The following AJAP1 variants were observed in gnomAD, a reference collection of about 807,000 sequenced individuals.
AJAP1 encodes the protein adherens junctions associated protein 1.
AJAP1 carries 5 observed loss-of-function variants against 35.0 expected under a neutral mutation model. The ratio of observed to expected loss-of-function variants is 0.14; its 90% CI spans 0.07 to 0.30. AJAP1 has a LOEUF of 0.30. Among genes scored for constraint, AJAP1 ranks in the 10% least tolerant of loss-of-function variants. The pLI is 1.00. For missense variants in AJAP1, 586 were observed against 571.0 expected (o/e 1.03, Z -0.27); for synonymous variants, 284 against 249.3 (o/e 1.14, Z -1.31).
At chr1:4,678,697 T>A (rs1402103762) in intron 1 of AJAP1, among the ~76,000 whole-genome samples, 1 of 152,196 alleles carries the variant, frequency 6.6e-6, no homozygotes, top group Non-Finnish European at 1.5e-5. Flanking sequence ...TGGCTAGAAG[T>A]GAGTCATGGG....
chr1:4,758,121 C>T (rs1289187074), intron 2 of AJAP1, among the ~76,000 whole-genome samples: 2 of 152,166 alleles, frequency 1.3e-5, no homozygotes, highest in African/African-American at 2.4e-5. Flanking sequence ...ATGTAAGTTT[C>T]CTGAGGCCTC....
chr1:4,729,356 C>T (rs1309039936), intron 2 of AJAP1, among the ~76,000 whole-genome samples: 2 of 152,200 alleles, frequency 1.3e-5, no homozygotes, highest in Non-Finnish European at 2.9e-5. Context: ...GTGCGGGCTG[C>T]CCTGTGAGAC....
intron 1 of AJAP1, among the ~76,000 whole-genome samples, chr1:4,684,193 C>G (rs533239587): frequency 6.6e-6 from 1 of 152,148 alleles, no homozygotes; most frequent in Non-Finnish European, 1.5e-5. Flanking sequence ...ATGTGCAGGG[C>G]GGGAATGCAT....
At chr1:4,770,297 G>A (rs2100359429) in intron 3 of AJAP1, among the ~76,000 whole-genome samples, 1 of 152,286 alleles carries the variant, frequency 6.6e-6, no homozygotes, top group Middle Eastern at 3.4e-3. Context: ...GGTAGGGATG[G>A]GGCCCTTCTG....
rs1157791533 is a variant in AJAP1 at position 4,692,284 on chromosome 1, G to A, written c.30-19616G>A. Among the ~76,000 whole-genome samples the A allele has an allele frequency of 3.3e-5, 5 of 152,170 alleles. No homozygotes were observed. The highest frequency in any genetic ancestry group is 7.4e-5 in the Non-Finnish European group (5 of 68,022). On this transcript the variant is annotated intron_variant, in intron 1 of 5. Transcript: ENST00000378191. This position sits in a 1 kb window ranked among gnomAD's most constrained non-coding sequence, Gnocchi z 4.4. ...GGACAGGGTTGTCAGGGCTTCTCGG[G>A]CTCCTCACCCCGCGCCCTGGGCTGC...
At chr1:4,719,880 T>G (rs892194548) in intron 2 of AJAP1, among the ~76,000 whole-genome samples, 3 of 152,244 alleles carry the variant, frequency 2.0e-5, no homozygotes, top group African/African-American at 7.2e-5. Context: ...GACCCAGCAG[T>G]GAGCTCAGTG....
chr1:4,655,520 C>T lies in AJAP1; in HGVS notation c.29+66C>T. 1 of 1,533,624 alleles carries T rather than the reference C, an allele frequency of 6.5e-7. No homozygotes were observed. Among genetic ancestry groups the T allele is most frequent in the Non-Finnish European group, 8.8e-7 (1 of 1,132,528 alleles). ...GGTGCCAGGCTGGGCGGAAGCGGCG[C>T]TTTCCTCTATGTTGCAAATCAAGGG... On this transcript the variant is annotated intron_variant, in intron 1 of 5. Coordinates refer to ENST00000378191, the MANE Select transcript of AJAP1 (RefSeq NM_018836.4). The surrounding 1 kb of genome is among the most constrained non-coding windows in gnomAD (Gnocchi z 6.9).
At chr1:4,678,618 C>A (rs2071995) in intron 1 of AJAP1, among the ~76,000 whole-genome samples, 1 of 152,092 alleles carries the variant, frequency 6.6e-6, no homozygotes, top group Non-Finnish European at 1.5e-5. Flanking sequence ...AGTACCCTAG[C>A]GAGATGGATG....
At chr1:4,727,580 T>A (rs903119752) in intron 2 of AJAP1, among the ~76,000 whole-genome samples, 11 of 152,182 alleles carry the variant, frequency 7.2e-5, no homozygotes, top group African/African-American at 2.7e-4. Flanking sequence ...GGGGACCACG[T>A]CCCTGACACA....
intron 2 of AJAP1, among the ~76,000 whole-genome samples, chr1:4,755,968 G>A (rs1222888498): frequency 6.6e-6 from 1 of 152,124 alleles, no homozygotes; most frequent in African/African-American, 2.4e-5. Flanking sequence ...ATCAGAAATG[G>A]AGGGTGATCA....
chr1:4,676,822 G>A (rs562145845), intron 1 of AJAP1, among the ~76,000 whole-genome samples: 2 of 152,298 alleles, frequency 1.3e-5, no homozygotes, highest in South Asian at 4.1e-4. Context: ...GCCAAGAGTG[G>A]GAAGAACATG....
At chr1:4,705,196 GAA>G in intron 1 of AJAP1, among the ~76,000 whole-genome samples, 1 of 152,124 alleles carries the variant, frequency 6.6e-6, no homozygotes, top group South Asian at 2.1e-4. Context: ...GTAGAAAGCT[GAA>G]ACTGGATCCC....
chr1:4,781,507 A>C (rs1642062641), intron 5 of AJAP1, among the ~76,000 whole-genome samples: 1 of 152,176 alleles, frequency 6.6e-6, no homozygotes, highest in South Asian at 2.1e-4. Flanking sequence ...AAAATTCTAG[A>C]GCTCCCACTG....
In AJAP1 at chr1:4,783,467, G is replaced by T. The variant is rs1355780996; in HGVS notation, c.*982G>T. The T allele has an allele frequency of 3.2e-5, 1 of 31,364 alleles. No individual in the cohort carries two copies. The highest frequency in any genetic ancestry group is 2.3e-4 in the African/African-American group (1 of 4,316). The allele number at this position is 31,364 out of a possible 1,614,324, so 1.9% of individuals were successfully genotyped here. The stretch of plus-strand genomic sequence containing the variant: ...AAGAATGCCAAGGTTTTATATATGT[G>T]TGTGTATATATATATATATATATAT... On this transcript the variant is annotated 3_prime_UTR_variant, in exon 6 of 6. Transcript: ENST00000378191.
intron 2 of AJAP1, among the ~76,000 whole-genome samples, chr1:4,740,258 G>A (rs1247870184): frequency 3.0e-5 from 4 of 132,198 alleles, no homozygotes; most frequent in East Asian, 2.3e-4. Context: ...AAATAAACCG[G>A]CCACAAAAGG....
At chr1:4,777,619 G>A (rs922823885) in intron 5 of AJAP1, 3 of 152,180 alleles carry the variant, frequency 2.0e-5, no homozygotes, top group Non-Finnish European at 4.4e-5. Context: ...CATACAGCAG[G>A]TACACTTCAG....
Position 4,782,252 on chromosome 1 carries a change from C to G in AJAP1, c.*60-293C>G, listed in dbSNP as rs563829346. 4.6e-5 allele frequency among the ~76,000 whole-genome samples: 7 copies of G among 152,256 alleles called. No homozygotes were observed. Among genetic ancestry groups the G allele is most frequent in the Admixed American group, 4.6e-4 (7 of 15,294 alleles). ...GAGTTAGCGGAGGGGGTGGTCCCAG[C>G]CCCTGGTAGCAAGCTCAGAGCTCTG... is the stretch of plus-strand genomic sequence containing the variant. On this transcript the variant is annotated intron_variant, in intron 5 of 5. Coordinates refer to ENST00000378191, the MANE Select transcript of AJAP1 (RefSeq NM_018836.4). The surrounding 1 kb of genome is among the most constrained non-coding windows in gnomAD (Gnocchi z 5.3).
At chr1:4,746,212 C>T (rs1392746213) in intron 2 of AJAP1, among the ~76,000 whole-genome samples, 2 of 152,110 alleles carry the variant, frequency 1.3e-5, no homozygotes, top group Non-Finnish European at 2.9e-5. Context: ...CCAGTCTCTG[C>T]CTCCATCATC....
chr1:4,727,330 G>A (rs1334152634), intron 2 of AJAP1, among the ~76,000 whole-genome samples: 3 of 152,206 alleles, frequency 2.0e-5, no homozygotes, highest in Non-Finnish European at 1.5e-5. Context: ...CACCTTCCCT[G>A]TGTTTCAGGG....
Sources: gnomAD v4.1 joint callset for allele counts (sites outside exome capture counted in the v4.1 genomes callset) on GRCh38, gnomAD v4.1.1 for gene constraint, Gnocchi (gnomAD v3.1) non-coding constraint, MANE v1.5 for transcripts, NCBI Gene and HGNC (gene_info 2026-07-23, HGNC 2026-07-21) for gene names.